Variants in ZCCHC17 observed in about 807,000 individuals in gnomAD.
The protein encoded by ZCCHC17 is zinc finger CCHC domain-containing protein 17.
A neutral mutation model predicts 30.6 loss-of-function variants in ZCCHC17; 18 were observed. The ratio of observed to expected loss-of-function variants is 0.59; its 90% CI spans 0.41 to 0.87. The LOEUF is 0.87. ZCCHC17 is among the 40% of genes least tolerant of loss of function. The pLI is 0.00. For synonymous variants in ZCCHC17, 88 were observed against 92.4 expected, an observed-to-expected ratio of 0.95 and a Z score of 0.27; for missense variants, 263 against 284.2, an observed-to-expected ratio of 0.93 and a Z score of 0.54.
At chr1:31,347,822 G>A (rs2148468338) in intron 6 of ZCCHC17, among the ~76,000 whole-genome samples, 1 of 152,234 alleles carries the variant, frequency 6.6e-6, no homozygotes, top group Admixed American at 6.5e-5. Context: ...GTGTTGCCCA[G>A]GCTGGTCTCC....
intron 3 of ZCCHC17, among the ~76,000 whole-genome samples, chr1:31,330,691 T>C (rs1638548319): frequency 1.3e-5 from 2 of 152,222 alleles, no homozygotes; most frequent in Admixed American, 1.3e-4. Flanking sequence ...ACTTCTGTTA[T>C]TTATCAGCCT....
rs1639286229 is a variant in ZCCHC17 at position 31,346,681 on chromosome 1, G to A, written c.359G>A (p.Gly120Glu). The change falls in exon 6 of 8, where the codon GGG becomes GAG. Residue 120 changes from glycine (G) to glutamate (E), a missense_variant. Transcript: ENST00000344147. The part of the protein sequence containing the change: ...RRRRSFQDYT[G>E]QKITLEAVLN... ...AGGCGATCCTTCCAGGATTACACTG[G>A]GCAGAAGATCACCCTTGAGGCTGTC... 6.2e-7 allele frequency: 1 copy of A among 1,613,982 alleles called. No individual in the cohort carries two copies. Among genetic ancestry groups the A allele is most frequent in the African/African-American group, 1.3e-5 (1 of 75,014 alleles).
In ZCCHC17 at chr1:31,320,554, G is replaced by A. The variant is rs546402763; in HGVS notation, c.124+1388G>A. Reference sequence around the variant, plus strand: ...TATTTGCTTATTTTGTACATTTCTTGTAAATGGAATAATGCAGTATATAGT... The same window carrying A: ...TATTTGCTTATTTTGTACATTTCTTATAAATGGAATAATGCAGTATATAGT... On this transcript the variant is annotated intron_variant, in intron 3 of 7. Transcript: ENST00000344147. 3.3e-5 allele frequency among the ~76,000 whole-genome samples: 5 copies of A among 152,266 alleles called. No homozygotes were observed. The East Asian group carries it at 9.6e-4, about 29-fold the overall frequency.
chr1:31,315,264 G>A (rs1165671150), intron 2 of ZCCHC17, among the ~76,000 whole-genome samples: 1 of 152,098 alleles, frequency 6.6e-6, no homozygotes, highest in Non-Finnish European at 1.5e-5. Context: ...TAGTAGATAG[G>A]TGCTTAAAAT....
chr1:31,304,465 G>A (rs950724775), intron 1 of ZCCHC17, among the ~76,000 whole-genome samples: 3 of 151,280 alleles, frequency 2.0e-5, no homozygotes, highest in Admixed American at 6.6e-5. Context: ...TGTATTTTTA[G>A]TAGAGATGGG....
intron 5 of ZCCHC17, among the ~76,000 whole-genome samples, chr1:31,340,639 T>C (rs896245075): frequency 6.6e-6 from 1 of 152,170 alleles, no homozygotes; most frequent in African/African-American, 2.4e-5. Flanking sequence ...ATTAACTGTT[T>C]TTAGTGTTTT....
At chr1:31,349,484 C>A (rs1457118548) in intron 7 of ZCCHC17, among the ~76,000 whole-genome samples, 1 of 149,730 alleles carries the variant, frequency 6.7e-6, no homozygotes, top group African/African-American at 2.5e-5. Context: ...GCATGCGCCA[C>A]CATGCCCGGC....
intron 3 of ZCCHC17, among the ~76,000 whole-genome samples, chr1:31,327,478 G>C (rs1404064410): frequency 6.6e-6 from 1 of 152,218 alleles, no homozygotes; most frequent in African/African-American, 2.4e-5. Context: ...GGTCAACTGA[G>C]GTTTGAAAAT....
chr1:31,327,618 G>A (rs1638408143), intron 3 of ZCCHC17, among the ~76,000 whole-genome samples: 1 of 152,138 alleles, frequency 6.6e-6, no homozygotes, highest in Non-Finnish European at 1.5e-5. Flanking sequence ...CACTGTGTAC[G>A]CTACCCACCC....
rs1646466651 is a variant in ZCCHC17, at chr1:31,306,670, A to G, written c.-55-3374A>G. Among the ~76,000 whole-genome samples, 7 of 149,152 alleles carry G rather than the reference A, an allele frequency of 4.7e-5. 1 individual carries two copies. The South Asian group carries it at 1.5e-3, about 31-fold the overall frequency. On this transcript the variant is annotated intron_variant, in intron 1 of 7. Transcript: ENST00000344147. ...ATTTCAGGCTTTCCCTCAAAAATGC[A>G]TGCCAGTTTTTTTTTGAGATAAGGT...
At chr1:31,319,076 T>C in intron 2 of ZCCHC17, 33 bp from the exon 3 acceptor site, 1 of 1,595,760 alleles carries the variant, frequency 6.3e-7, no homozygotes, top group Non-Finnish European at 8.6e-7. Context: ...TTCTCATGTA[T>C]GTGACATTGA....
At chr1:31,319,260 G>A in intron 3 of ZCCHC17, 94 bp downstream of exon 3, 2 of 1,074,034 alleles carry the variant, frequency 1.9e-6, no homozygotes, top group Non-Finnish European at 2.7e-6. Flanking sequence ...TTTTCAGACA[G>A]TAGTTTTTCA....
chr1:31,328,828 C>A (rs1344116882), intron 3 of ZCCHC17, among the ~76,000 whole-genome samples: 1 of 152,142 alleles, frequency 6.6e-6, no homozygotes. Flanking sequence ...TCCCAACCCT[C>A]CTCTTTCTTC....
chr1:31,320,089 G>T (rs187821661), intron 3 of ZCCHC17, among the ~76,000 whole-genome samples: 1 of 152,148 alleles, frequency 6.6e-6, no homozygotes, highest in East Asian at 1.9e-4. Context: ...ATATTACTTG[G>T]TACTATAGTA....
At position 31,348,902 on chromosome 1, in the gene ZCCHC17, A is replaced by G. The variant is rs764229289; in HGVS notation, c.492A>G (p.Glu164=). The G allele has an allele frequency of 2.5e-6, 4 of 1,613,368 alleles. No individual in the cohort carries two copies. The highest frequency in any genetic ancestry group is 3.4e-6 in the Non-Finnish European group (4 of 1,179,884). ...KYSLIPDEEE[E]KEEAKSAEFE... ...CTCTGATACCTGATGAGGAAGAGGA[A>G]AAGGAAGAGGCAAAGTCAGCAGAGT... The change falls in exon 7 of 8, where the codon GAA becomes GAG. Residue 164 remains glutamate (E), a synonymous_variant. Transcript: ENST00000344147.
intron 3 of ZCCHC17, among the ~76,000 whole-genome samples, chr1:31,335,487 C>T (rs536635671): frequency 1.3e-5 from 2 of 152,246 alleles, no homozygotes; most frequent in East Asian, 3.9e-4. Context: ...GCCATCCTCC[C>T]ACCTCAGCCT....
intron 5 of ZCCHC17, among the ~76,000 whole-genome samples, chr1:31,344,692 T>C (rs1569886841): frequency 6.6e-6 from 1 of 152,196 alleles, no homozygotes; most frequent in East Asian, 1.9e-4. Flanking sequence ...GTTTGTAGTC[T>C]GGTAGAAGCC....
chr1:31,309,333 T>G (rs1646541643), intron 1 of ZCCHC17, among the ~76,000 whole-genome samples: 2 of 152,128 alleles, frequency 1.3e-5, no homozygotes, highest in Admixed American at 6.5e-5. Context: ...TTTGTTTTGT[T>G]TTTGAGATGG....
At chr1:31,332,794 G>A (rs1374327571) in intron 3 of ZCCHC17, among the ~76,000 whole-genome samples, 1 of 151,988 alleles carries the variant, frequency 6.6e-6, no homozygotes, top group African/African-American at 2.4e-5. Flanking sequence ...GCTAATTTTT[G>A]TATTTTTAGT....
Sources: allele counts gnomAD v4.1 joint callset (sites outside exome capture counted in the v4.1 genomes callset), GRCh38; gene constraint gnomAD v4.1.1; transcripts MANE v1.5; gene names NCBI Gene and HGNC (gene_info 2026-07-23, HGNC 2026-07-21).